Variants in PPARGC1B observed in about 807,000 individuals in gnomAD.
PPARGC1B encodes PPARG coactivator 1 beta.
PPARGC1B carries 34 observed loss-of-function variants against 101.6 expected under a neutral mutation model. The observed-to-expected ratio is 0.33, with a 90% CI of 0.25 to 0.45. The LOEUF is 0.45. PPARGC1B is among the 20% of genes least tolerant of loss of function. The pLI, the probability that PPARGC1B is intolerant of heterozygous loss-of-function variation, is 1.00. For missense variants in PPARGC1B, 1,234 were observed against 1,317.6 expected, an observed-to-expected ratio of 0.94 and a Z score of 0.98; for synonymous variants, 548 against 539.3, an observed-to-expected ratio of 1.02 and a Z score of -0.22.
chr5:149,820,412 C>CT, intron 1 of PPARGC1B, 21 bp from the exon 2 acceptor site: 1 of 1,610,924 alleles, frequency 6.2e-7, no homozygotes, highest in East Asian at 2.2e-5. Context: ...TGATCCACCT[C>CT]TTTCCTTCCT....
chr5:149,736,843 C>A (rs1001339965), intron 1 of PPARGC1B, among the ~76,000 whole-genome samples: 1 of 151,938 alleles, frequency 6.6e-6, no homozygotes, highest in Admixed American at 6.6e-5. Flanking sequence ...TATACCCTTG[C>A]CCCCAACATG....
At position 149,833,161 on chromosome 5, in the gene PPARGC1B, C is replaced by T. The variant is rs45526537; in HGVS notation, c.1088C>T (p.Thr363Met). The T allele has an allele frequency of 8.9e-4, 1,435 of 1,613,704 alleles. 12 individuals are homozygous for T. The African/African-American group carries it at 0.016, about 18-fold the overall frequency. The change falls in exon 5 of 12, where the codon ACG becomes ATG. Residue 363 changes from threonine (T) to methionine (M), a missense_variant. Transcript: ENST00000309241. The surrounding 1 kb of genome is among the most constrained non-coding windows in gnomAD (Gnocchi z 4.1). ...CDVSKPYRLA[T>M]PVYASLTPRS... ...GTCAGCAAACCCTACCGTCTGGCCA[C>T]GCCTGTTTATGCCTCCCTCACACCT...
At position 149,842,238 on chromosome 5, in the gene PPARGC1B, GTCC is replaced by G. The variant is rs756305336; in HGVS notation, c.2695-13_2695-11del. On this transcript the variant is annotated splice_polypyrimidine_tract_variant and intron_variant, in intron 9 of 11. Transcript: ENST00000309241. ...CCAGGCAATGACGGAGTCTCTCTCT[GTCC>G]TCCTTCTTGGGCAGGGGGAAGGCCG... 1 of 1,611,246 alleles carries G rather than the reference GTCC, an allele frequency of 6.2e-7. No individual in the cohort carries two copies. Among genetic ancestry groups the G allele is most frequent in the African/African-American group, 1.3e-5 (1 of 74,970 alleles).
At chr5:149,800,828 C>A (rs570927358) in intron 1 of PPARGC1B, among the ~76,000 whole-genome samples, 3 of 152,362 alleles carry the variant, frequency 2.0e-5, no homozygotes, top group Admixed American at 2.0e-4. Context: ...TAAATGGGTT[C>A]TGGATGCTTT....
intron 3 of PPARGC1B, 129 bp from the exon 4 acceptor site, chr5:149,830,638 G>A: frequency 1.4e-6 from 1 of 700,520 alleles, no homozygotes; most frequent in Middle Eastern, 3.2e-4. Context: ...CCAGGTCATG[G>A]AATGCCCACC....
At chr5:149,732,094 C>T (rs1417713153) in intron 1 of PPARGC1B, among the ~76,000 whole-genome samples, 1 of 151,614 alleles carries the variant, frequency 6.6e-6, no homozygotes, top group Non-Finnish European at 1.5e-5. Context: ...GCCGCGCGCG[C>T]CGGGCGCGTA....
Position 149,833,573 on chromosome 5 carries a change from G to A in PPARGC1B, c.1500G>A (p.Ser500=), listed in dbSNP as rs781756181. ...TTGCAGATGAGCCGCTGGTCCCCTC[G>A]GAGCCCCAAGGTGCTCTGCCCTCAC... ...LTFADEPLVP[S]EPQGALPSLC... is the part of the protein sequence containing the mutation. The change falls in exon 5 of 12, where the codon TCG becomes TCA. Residue 500 remains serine (S), a synonymous_variant. Transcript: ENST00000309241. This position sits in a 1 kb window ranked among gnomAD's most constrained non-coding sequence, Gnocchi z 4.1. 3.1e-5 allele frequency: 49 copies of A among 1,595,498 alleles called. No individual in the cohort carries two copies. In the Admixed American group the frequency reaches 3.1e-4, roughly 10 times the overall value.
At chr5:149,821,411 C>T (rs1345477526) in intron 2 of PPARGC1B, among the ~76,000 whole-genome samples, 1 of 152,162 alleles carries the variant, frequency 6.6e-6, no homozygotes, top group Non-Finnish European at 1.5e-5. Flanking sequence ...AGAAAGCAAG[C>T]TCTGCATGGA....
chr5:149,776,048 C>G (rs898194651), intron 1 of PPARGC1B, among the ~76,000 whole-genome samples: 1 of 152,230 alleles, frequency 6.6e-6, no homozygotes, highest in Admixed American at 6.5e-5. Flanking sequence ...CCCTCCACCT[C>G]CTTCTCTGCC....
At position 149,791,815 on chromosome 5, in the gene PPARGC1B, T is replaced by A. The variant is rs142416968; in HGVS notation, c.79-28618T>A. ...CTACCTTTAACAACTTCTGACAGAT[T>A]AAGATAATGAGGGCAGTATCTCAGT... is the stretch of plus-strand genomic sequence containing the variant. On this transcript the variant is annotated intron_variant, in intron 1 of 11. Coordinates refer to ENST00000309241, the MANE Select transcript of PPARGC1B (RefSeq NM_133263.4). Among the ~76,000 whole-genome samples the A allele has an allele frequency of 2.3e-4, 35 of 152,306 alleles. No homozygotes were observed. The East Asian group carries it at 6.6e-3, about 29-fold the overall frequency.
chr5:149,770,628 C>T (rs922041852), intron 1 of PPARGC1B, among the ~76,000 whole-genome samples: 4 of 151,832 alleles, frequency 2.6e-5, no homozygotes, highest in African/African-American at 9.7e-5. Flanking sequence ...AGGAGGATTG[C>T]TTGAGGCTAG....
intron 1 of PPARGC1B, among the ~76,000 whole-genome samples, chr5:149,774,636 G>T (rs568604479): frequency 6.6e-6 from 1 of 151,884 alleles, no homozygotes; most frequent in South Asian, 2.1e-4. Context: ...TTAGGAGTTT[G>T]TCTCTATTTA....
chr5:149,734,237 G>T (rs777018191), intron 1 of PPARGC1B, among the ~76,000 whole-genome samples: 1 of 148,090 alleles, frequency 6.8e-6, no homozygotes, highest in Non-Finnish European at 1.5e-5. Flanking sequence ...CAGGAGAATC[G>T]CTTGAACCCG....
chr5:149,820,410 C>T (rs371625320), intron 1 of PPARGC1B, 23 bp from the exon 2 acceptor site: 1 of 1,610,018 alleles, frequency 6.2e-7, no homozygotes, highest in African/African-American at 1.3e-5. Context: ...TCTGATCCAC[C>T]TCTTTCCTTC....
At chr5:149,798,884 A>T (rs1016745503) in intron 1 of PPARGC1B, among the ~76,000 whole-genome samples, 3 of 152,198 alleles carry the variant, frequency 2.0e-5, no homozygotes, top group African/African-American at 7.2e-5. Context: ...AGAGAGGCTC[A>T]GCAAAGGGCA....
At chr5:149,836,125 G>T in intron 7 of PPARGC1B, 138 bp from the exon 8 acceptor site, 2 of 714,690 alleles carry the variant, frequency 2.8e-6, no homozygotes, top group East Asian at 5.0e-5. Flanking sequence ...CTGGCCTCAA[G>T]TAATCCACCC....
intron 1 of PPARGC1B, among the ~76,000 whole-genome samples, chr5:149,738,939 C>T (rs1260747613): frequency 1.3e-5 from 2 of 152,258 alleles, no homozygotes; most frequent in East Asian, 1.9e-4. Flanking sequence ...CCACCACCCA[C>T]GTGGCTTGTG....
chr5:149,799,066 G>A (rs1035515724), intron 1 of PPARGC1B, among the ~76,000 whole-genome samples: 26 of 150,660 alleles, frequency 1.7e-4, no homozygotes, highest in Non-Finnish European at 3.5e-4. Flanking sequence ...CTCAGCCACA[G>A]TGGAGACCTC....
intron 3 of PPARGC1B, among the ~76,000 whole-genome samples, chr5:149,827,979 C>T (rs749265336): frequency 4.6e-5 from 7 of 152,106 alleles, no homozygotes; most frequent in Non-Finnish European, 7.4e-5. Flanking sequence ...CTGTTGGAGC[C>T]GGGAGGGTTC....
Sources: gnomAD v4.1 joint callset for allele counts (sites outside exome capture counted in the v4.1 genomes callset) on GRCh38, gnomAD v4.1.1 for gene constraint, Gnocchi (gnomAD v3.1) non-coding constraint, MANE v1.5 for transcripts, NCBI Gene and HGNC (gene_info 2026-07-23, HGNC 2026-07-21) for gene names.